The following HSD17B2 variants were observed in gnomAD, a reference collection of about 807,000 sequenced individuals.
The protein encoded by HSD17B2 is 17-beta-hydroxysteroid dehydrogenase type 2.
HSD17B2 carries 32 observed loss-of-function variants against 26.9 expected under a neutral mutation model. The observed-to-expected ratio is 1.19, with a 90% CI of 0.90 to 1.60. HSD17B2 has a LOEUF of 1.60. Ranked by LOEUF, HSD17B2 falls within the 40% of genes most tolerant of loss-of-function variation. The pLI, the probability that HSD17B2 is intolerant of heterozygous loss-of-function variation, is 0.00. For synonymous variants in HSD17B2, 246 were observed against 186.7 expected (o/e 1.32, Z -2.59); for missense variants, 613 against 468.6 (o/e 1.31, Z -2.85).
intron 1 of HSD17B2, among the ~76,000 whole-genome samples, chr16:82,041,554 C>T (rs922629280): frequency 3.9e-5 from 6 of 152,216 alleles, no homozygotes; most frequent in African/African-American, 1.4e-4. Flanking sequence ...CCACTGGCTT[C>T]CACCAGTCTG....
intron 3 of HSD17B2, among the ~76,000 whole-genome samples, chr16:82,077,266 A>G (rs1904307320): frequency 6.6e-6 from 1 of 152,246 alleles, no homozygotes; most frequent in African/African-American, 2.4e-5. Context: ...ACTTCAGATT[A>G]TACTACAGAG....
intron 1 of HSD17B2, among the ~76,000 whole-genome samples, 157 bp downstream of exon 1, chr16:82,035,846 G>C (rs1013824476): frequency 6.6e-6 from 1 of 151,948 alleles, no homozygotes; most frequent in Non-Finnish European, 1.5e-5. Context: ...TTTTCGTTCC[G>C]TTTTTTCCAG....
chr16:82,065,336 GATTGA>G (rs1914545625), intron 1 of HSD17B2, among the ~76,000 whole-genome samples: 1 of 152,120 alleles, frequency 6.6e-6, no homozygotes, highest in African/African-American at 2.4e-5. Flanking sequence ...CAGATACCCT[GATTGA>G]CTGTTTATGT....
chr16:82,041,099 G>A (rs566082076), intron 1 of HSD17B2, among the ~76,000 whole-genome samples: 4 of 152,296 alleles, frequency 2.6e-5, no homozygotes, highest in East Asian at 1.9e-4. Flanking sequence ...AGGCATTATA[G>A]ATGGAGTGTT....
chr16:82,057,702 G>A (rs537685007), intron 1 of HSD17B2, among the ~76,000 whole-genome samples: 2 of 152,292 alleles, frequency 1.3e-5, no homozygotes, highest in African/African-American at 4.8e-5. Context: ...TGATGAAATG[G>A]CATTTTACCT....
Position 82,098,235 on chromosome 16 carries a change from G to T in HSD17B2, c.963G>T (p.Val321=). ...NSLASKDFSP[V]LRDIQHAILA... ...TAGCCAGCAAGGACTTCTCTCCGGT[G>T]CTGCGGGACATCCAGCATGCTATCT... The change falls in exon 5 of 5, where the codon GTG becomes GTT. Residue 321 remains valine, a synonymous_variant. Transcript: ENST00000199936. 1 of 1,614,182 alleles carries T rather than the reference G, an allele frequency of 6.2e-7. No homozygotes were observed. Among genetic ancestry groups the T allele is most frequent in the Non-Finnish European group, 8.5e-7 (1 of 1,180,012 alleles).
At chr16:82,090,322 T>G (rs985207727) in intron 3 of HSD17B2, 8 of 350,022 alleles carry the variant, frequency 2.3e-5, no homozygotes, top group Non-Finnish European at 3.1e-5. Context: ...TTTTTTTTTT[T>G]TTTTTTTTTT....
At chr16:82,081,409 C>T (rs1483609616) in intron 3 of HSD17B2, among the ~76,000 whole-genome samples, 3 of 152,104 alleles carry the variant, frequency 2.0e-5, no homozygotes, top group African/African-American at 7.2e-5. Flanking sequence ...CCAGGCTATG[C>T]TCTAAGGATG....
intron 1 of HSD17B2, among the ~76,000 whole-genome samples, chr16:82,041,096 A>G (rs1427799573): frequency 6.6e-6 from 1 of 152,184 alleles, no homozygotes; most frequent in African/African-American, 2.4e-5. Context: ...ATCAGGCATT[A>G]TAGATGGAGT....
intron 3 of HSD17B2, among the ~76,000 whole-genome samples, chr16:82,082,824 A>G (rs1459370638): frequency 6.6e-6 from 1 of 152,212 alleles, no homozygotes; most frequent in Non-Finnish European, 1.5e-5. Flanking sequence ...TCTCAGGTAT[A>G]TGACCCCAAT....
intron 1 of HSD17B2, among the ~76,000 whole-genome samples, chr16:82,065,352 G>C (rs569291269): frequency 2.6e-4 from 40 of 152,224 alleles, no homozygotes; most frequent in Admixed American, 9.8e-4. Context: ...CTGTTTATGT[G>C]CTCCGTAGAG....
Position 82,068,492 on chromosome 16 carries a change from T to G in HSD17B2, c.478+110T>G, listed in dbSNP as rs145649924. On this transcript the variant is annotated intron_variant, in intron 2 of 4. Coordinates refer to ENST00000199936, the MANE Select transcript of HSD17B2 (RefSeq NM_002153.3). Reference sequence around the variant, plus strand: ...ACTCCACTCTGGGCACTGTTTGCCCTGAAGCACACCTGTGCTGAACCCCTA... The same window carrying G: ...ACTCCACTCTGGGCACTGTTTGCCCGGAAGCACACCTGTGCTGAACCCCTA... 3,278 of 875,048 alleles carry G rather than the reference T, an allele frequency of 3.7e-3. 21 individuals carry two copies. The highest frequency in any genetic ancestry group is 4.2e-3 in the Non-Finnish European group (2,402 of 565,956). 54.2% of individuals were successfully genotyped at this position (875,048 alleles called of 1,614,324 possible). A position where few individuals can be genotyped will look rare whatever the true frequency, so the allele number is the denominator to read the frequency against.
intron 1 of HSD17B2, among the ~76,000 whole-genome samples, chr16:82,059,094 A>G (rs8191097): frequency 0.026 from 3,925 of 152,302 alleles, 184 homozygotes; most frequent in African/African-American, 0.089. Flanking sequence ...TTATTTTCCA[A>G]TGAGTGTTCC....
intron 3 of HSD17B2, among the ~76,000 whole-genome samples, chr16:82,078,297 T>A (rs560093101): frequency 6.6e-6 from 1 of 152,148 alleles, no homozygotes; most frequent in Non-Finnish European, 1.5e-5. Flanking sequence ...CTCAATATCA[T>A]TGATCATCAG....
At chr16:82,036,955 C>A (rs1461479982) in intron 1 of HSD17B2, among the ~76,000 whole-genome samples, 1 of 152,160 alleles carries the variant, frequency 6.6e-6, no homozygotes. Context: ...TCAGGCAAAC[C>A]ACAGGGTAGC....
chr16:82,050,175 C>T (rs564612242), intron 1 of HSD17B2, among the ~76,000 whole-genome samples: 25 of 152,334 alleles, frequency 1.6e-4, no homozygotes, highest in African/African-American at 7.2e-5. Context: ...GGATGTCTTG[C>T]GCTTTATATG....
intron 1 of HSD17B2, among the ~76,000 whole-genome samples, chr16:82,050,914 A>G (rs1463646383): frequency 1.3e-5 from 2 of 152,188 alleles, no homozygotes. Context: ...TTTAGTCTCT[A>G]CTCACTGGAT....
chr16:82,081,979 G>T (rs898553462), intron 3 of HSD17B2, among the ~76,000 whole-genome samples: 14 of 152,142 alleles, frequency 9.2e-5, no homozygotes, highest in African/African-American at 3.4e-4. Context: ...ATTATCCTCA[G>T]CAACCTAACG....
chr16:82,069,321 G>A (rs1212054021), intron 2 of HSD17B2, among the ~76,000 whole-genome samples: 4 of 152,148 alleles, frequency 2.6e-5, no homozygotes, highest in South Asian at 4.1e-4. Flanking sequence ...TCATTGATGG[G>A]CATTTGGGTT....
Sources: allele counts gnomAD v4.1 joint callset (sites outside exome capture counted in the v4.1 genomes callset), GRCh38; gene constraint gnomAD v4.1.1; transcripts MANE v1.5; gene names NCBI Gene and HGNC (gene_info 2026-07-23, HGNC 2026-07-21).